Variants in LINGO2 observed in about 807,000 individuals in gnomAD.
LINGO2 encodes leucine-rich repeat and immunoglobulin-like domain-containing nogo receptor-interacting protein 2.
LINGO2 carries 14 observed loss-of-function variants against 30.6 expected under a neutral mutation model. That is an observed-to-expected ratio of 0.46 (90% CI 0.30 to 0.72). LINGO2 has a LOEUF of 0.72. Ranked by LOEUF, LINGO2 falls within the 30% of genes least tolerant of loss-of-function variation. LINGO2 has a pLI of 0.07. For synonymous variants in LINGO2, 317 were observed against 288.5 expected, an observed-to-expected ratio of 1.10 and a Z score of -1.00; for missense variants, 729 against 751.7, an observed-to-expected ratio of 0.97 and a Z score of 0.35.
chr9:28,483,754 T>A (rs965824459), intron 1 of LINGO2, among the ~76,000 whole-genome samples: 39 of 152,094 alleles, frequency 2.6e-4, no homozygotes, highest in African/African-American at 9.4e-4. Context: ...TGGCACATTT[T>A]ACAGTTTGAT....
At chr9:28,684,369 T>C in the LINGO2 span, among the ~76,000 whole-genome samples, 1 of 150,926 alleles carries the variant, frequency 6.6e-6, no homozygotes, top group Non-Finnish European at 1.5e-5. Context: ...TTGTGTTTTT[T>C]AGTAGAGATG....
intron 1 of LINGO2, among the ~76,000 whole-genome samples, chr9:28,539,810 A>T (rs533931268): frequency 6.6e-6 from 1 of 152,248 alleles, no homozygotes; most frequent in South Asian, 2.1e-4. Flanking sequence ...TCTCCTCCAC[A>T]TTCTTCAGTA....
chr9:28,123,927 A>G (rs1353366308), intron 4 of LINGO2, among the ~76,000 whole-genome samples: 1 of 152,124 alleles, frequency 6.6e-6, no homozygotes. Flanking sequence ...TGGCCTCCCA[A>G]AGTGCTGGGA....
intron 4 of LINGO2, among the ~76,000 whole-genome samples, chr9:28,135,501 TAGTATCTACTC>T (rs2133464489): frequency 6.6e-6 from 1 of 151,962 alleles, no homozygotes; most frequent in East Asian, 1.9e-4. Context: ...CCTGTTGATC[TAGTATCTACTC>T]AATAATAAAA....
intron 4 of LINGO2, among the ~76,000 whole-genome samples, chr9:28,199,716 A>G (rs1416128223): frequency 3.9e-5 from 6 of 152,124 alleles, no homozygotes; most frequent in African/African-American, 1.4e-4. Context: ...ATCTCTGCTA[A>G]GCTGAATTAA....
At chr9:28,734,887 T>C in the LINGO2 span, among the ~76,000 whole-genome samples, 1 of 152,202 alleles carries the variant, frequency 6.6e-6, no homozygotes, top group Admixed American at 6.5e-5. Flanking sequence ...ATCAATTGAA[T>C]GACACAGTAT....
At chr9:28,041,038 A>G (rs1824175163) in intron 4 of LINGO2, among the ~76,000 whole-genome samples, 1 of 152,226 alleles carries the variant, frequency 6.6e-6, no homozygotes. Context: ...TCCTCTAGGT[A>G]GAATACCACA....
chr9:28,951,973 G>A, the LINGO2 span, among the ~76,000 whole-genome samples: 2 of 152,114 alleles, frequency 1.3e-5, no homozygotes, highest in Non-Finnish European at 2.9e-5. Flanking sequence ...TTAGAGAAAT[G>A]CAAATCAAAA....
At chr9:28,548,918 G>C (rs1392393787) in intron 1 of LINGO2, among the ~76,000 whole-genome samples, 3 of 150,930 alleles carry the variant, frequency 2.0e-5, no homozygotes, top group Non-Finnish European at 4.4e-5. Flanking sequence ...GTATAAATTG[G>C]GTAATATTCC....
intron 4 of LINGO2, among the ~76,000 whole-genome samples, chr9:28,187,477 G>A (rs978092139): frequency 8.0e-5 from 11 of 137,980 alleles, no homozygotes; most frequent in African/African-American, 1.1e-4. Context: ...GTGACAGAGC[G>A]AGACTCTGTC....
chr9:28,992,911 A>T, the LINGO2 span, among the ~76,000 whole-genome samples: 1 of 152,114 alleles, frequency 6.6e-6, no homozygotes, highest in South Asian at 2.1e-4. Context: ...AAGAGTAAGC[A>T]GGAAAGATCC....
the LINGO2 span, among the ~76,000 whole-genome samples, chr9:28,752,045 A>C: frequency 6.6e-6 from 1 of 152,176 alleles, no homozygotes; most frequent in African/African-American, 2.4e-5. Flanking sequence ...AGTCCAATTA[A>C]TGCACGTTGG....
rs10968428 is a variant in LINGO2 at position 28,276,363 on chromosome 9, C to T, written c.-87+18845G>A. 2.3e-4 allele frequency among the ~76,000 whole-genome samples: 35 copies of T among 152,202 alleles called. No homozygotes were observed. In the East Asian group the frequency reaches 6.2e-3, roughly 27 times the overall value. ...ATCTTTATCTTTCAGTACCATCCTT[C>T]CCTCATCTATTCTTATTAATCTAAA... On this transcript the variant is annotated intron_variant, in intron 4 of 5. Transcript: ENST00000379992.
chr9:28,878,144 G>T, the LINGO2 span, among the ~76,000 whole-genome samples: 2 of 147,412 alleles, frequency 1.4e-5, no homozygotes, highest in Non-Finnish European at 3.0e-5. Flanking sequence ...AATAAAAAAT[G>T]ATAAAGGGGA....
chr9:28,878,122 T>C, the LINGO2 span, among the ~76,000 whole-genome samples: 5 of 151,430 alleles, frequency 3.3e-5, no homozygotes, highest in African/African-American at 1.2e-4. Context: ...GAGAGAAGAA[T>C]CAAACAGATG....
intron 1 of LINGO2, among the ~76,000 whole-genome samples, chr9:28,482,742 G>T (rs1826026296): frequency 6.6e-6 from 1 of 152,070 alleles, no homozygotes; most frequent in Admixed American, 6.6e-5. Flanking sequence ...CAAGCAATGG[G>T]GAAAGGGTTC....
At chr9:29,170,940 T>C in the LINGO2 span, among the ~76,000 whole-genome samples, 84 of 152,284 alleles carry the variant, frequency 5.5e-4, no homozygotes, top group African/African-American at 1.3e-3. Context: ...TTAGTTGCAG[T>C]ATAAATTGCT....
the LINGO2 span, among the ~76,000 whole-genome samples, chr9:28,878,582 A>G: frequency 2.0e-5 from 3 of 152,230 alleles, no homozygotes; most frequent in Admixed American, 6.5e-5. Context: ...TGATGCAAAA[A>G]TCCTCAATAA....
chr9:28,907,897 G>T, the LINGO2 span, among the ~76,000 whole-genome samples: 1 of 151,570 alleles, frequency 6.6e-6, no homozygotes, highest in South Asian at 2.1e-4. Flanking sequence ...CTCTGAAAAT[G>T]AAGTTCAGTA....
Sources: gnomAD v4.1 joint callset for allele counts (sites outside exome capture counted in the v4.1 genomes callset) on GRCh38, gnomAD v4.1.1 for gene constraint, MANE v1.5 for transcripts, NCBI Gene and HGNC (gene_info 2026-07-23, HGNC 2026-07-21) for gene names.